The following DLC1 variants were observed in gnomAD, a reference collection of about 807,000 sequenced individuals.
The protein encoded by DLC1 is DLC1 Rho GTPase activating protein, also known as rho GTPase-activating protein 7.
A neutral mutation model predicts 140.3 loss-of-function variants in DLC1; 54 were observed. The observed-to-expected ratio is 0.38, with a 90% CI of 0.31 to 0.48. DLC1 has a LOEUF of 0.48. Among genes scored for constraint, DLC1 ranks in the 20% least tolerant of loss-of-function variants. The probability of loss-of-function intolerance (pLI) is 0.96; values close to 1 mark genes in which losing one functional copy is unlikely to be tolerated. For missense variants in DLC1, 2,536 were observed against 1,907.0 expected (o/e 1.33, Z -6.14); for synonymous variants, 986 against 728.1 (o/e 1.35, Z -5.70).
chr8:13,454,076 A>T (rs1799279023), intron 2 of DLC1, among the ~76,000 whole-genome samples: 1 of 152,176 alleles, frequency 6.6e-6, no homozygotes, highest in Non-Finnish European at 1.5e-5. Flanking sequence ...TGAATATGGC[A>T]TTAAAAAGAA....
chr8:13,316,497 T>G (rs911478671), intron 4 of DLC1, among the ~76,000 whole-genome samples: 23 of 152,264 alleles, frequency 1.5e-4, no homozygotes, highest in African/African-American at 5.1e-4. Flanking sequence ...GGATGATAAT[T>G]TATATGAGAA....
chr8:13,499,336 C>T lies in DLC1; in HGVS notation c.736G>A (p.Glu246Lys), dbSNP rs770997237. 2 of 1,614,020 alleles carry T rather than the reference C, an allele frequency of 1.2e-6. No individual in the cohort carries two copies. The highest frequency in any genetic ancestry group is 1.7e-6 in the Non-Finnish European group (2 of 1,180,002). ...RKPDPPKDEN[E>K]RSTCNVVQNE... ...TGTACTACATTGCAGGTGCTTCTTT[C>T]ATTTTCATCTTTAGGGGGGTCAGGT... is the stretch of plus-strand genomic sequence containing the variant. The change falls in exon 2 of 18, where the codon GAA (glutamate) becomes AAA (lysine). Residue 246 changes from glutamate (E) to lysine (K), a missense_variant. By Grantham distance (56) the Glu-to-Lys change is moderately conservative. Coordinates refer to ENST00000276297, the MANE Select transcript of DLC1 (RefSeq NM_182643.3).
intron 4 of DLC1, among the ~76,000 whole-genome samples, chr8:13,312,812 A>G (rs972786251): frequency 1.3e-5 from 2 of 152,066 alleles, no homozygotes; most frequent in Non-Finnish European, 2.9e-5. Context: ...TATTCATAAC[A>G]GTTTTTGTTT....
At chr8:13,206,363 A>G (rs989703638) in intron 5 of DLC1, among the ~76,000 whole-genome samples, 1 of 152,322 alleles carries the variant, frequency 6.6e-6, no homozygotes, top group Admixed American at 6.5e-5. Flanking sequence ...TATGTCATGT[A>G]AAAGGTTTGG....
At chr8:13,143,824 G>C (rs1823207882) in intron 5 of DLC1, among the ~76,000 whole-genome samples, 1 of 141,558 alleles carries the variant, frequency 7.1e-6, no homozygotes, top group South Asian at 2.6e-4. Flanking sequence ...GAGAGAGAGA[G>C]AGAGAGAGAG....
At chr8:13,113,715 A>G (rs1282955683) in intron 6 of DLC1, among the ~76,000 whole-genome samples, 3 of 152,214 alleles carry the variant, frequency 2.0e-5, no homozygotes, top group African/African-American at 7.2e-5. Context: ...CCTTTCCCCA[A>G]AGCCCTTCTA....
At chr8:13,446,629 G>A (rs1412162382) in intron 2 of DLC1, among the ~76,000 whole-genome samples, 1 of 151,988 alleles carries the variant, frequency 6.6e-6, no homozygotes, top group Non-Finnish European at 1.5e-5. Flanking sequence ...GGAGAGGGAA[G>A]GGAAGGGAAG....
chr8:13,183,727 A>G (rs192737104), intron 5 of DLC1, among the ~76,000 whole-genome samples: 17 of 152,314 alleles, frequency 1.1e-4, no homozygotes, highest in Admixed American at 8.5e-4. Context: ...CCAGTATTTT[A>G]CTGAGGATTT....
At chr8:13,120,508 T>C (rs1414491172) in intron 5 of DLC1, among the ~76,000 whole-genome samples, 1 of 151,686 alleles carries the variant, frequency 6.6e-6, no homozygotes, top group Non-Finnish European at 1.5e-5. Flanking sequence ...GGGGGGCCTC[T>C]AACACAGCTC....
chr8:13,393,156 C>T (rs971572087), intron 4 of DLC1, among the ~76,000 whole-genome samples: 4 of 152,050 alleles, frequency 2.6e-5, no homozygotes, highest in Non-Finnish European at 5.9e-5. Flanking sequence ...ATCCATCCAT[C>T]CATCCATCAT....
intron 5 of DLC1, among the ~76,000 whole-genome samples, chr8:13,241,033 A>G (rs1385354331): frequency 6.6e-6 from 1 of 152,180 alleles, no homozygotes; most frequent in African/African-American, 2.4e-5. Context: ...AGAAAGGGAG[A>G]CAGCCAGGGA....
intron 1 of DLC1, among the ~76,000 whole-genome samples, chr8:13,563,641 A>C (rs967262242): frequency 6.6e-6 from 1 of 152,100 alleles, no homozygotes; most frequent in African/African-American, 2.4e-5. Flanking sequence ...AATTTAATCT[A>C]TAGAGGAGAA....
At chr8:13,144,980 A>C (rs1482853065) in intron 5 of DLC1, among the ~76,000 whole-genome samples, 1 of 152,220 alleles carries the variant, frequency 6.6e-6, no homozygotes, top group Non-Finnish European at 1.5e-5. Flanking sequence ...GCAACAGATA[A>C]TTAGAACGGC....
chr8:13,597,832 T>C (rs1805733734), intron 1 of DLC1, among the ~76,000 whole-genome samples: 1 of 152,088 alleles, frequency 6.6e-6, no homozygotes, highest in Non-Finnish European at 1.5e-5. Context: ...TATAGAAACA[T>C]GCTGATCTAT....
intron 2 of DLC1, among the ~76,000 whole-genome samples, chr8:13,446,046 G>A (rs1798760122): frequency 6.6e-6 from 1 of 152,020 alleles, no homozygotes; most frequent in South Asian, 2.1e-4. Flanking sequence ...TTCTATACAC[G>A]GTTGCTACCT....
chr8:13,103,032 C>T (rs111815859), intron 7 of DLC1, among the ~76,000 whole-genome samples, 179 bp from the exon 8 acceptor site: 3,124 of 152,248 alleles, frequency 0.021, 91 homozygotes, highest in African/African-American at 0.066. Context: ...ATACCTTGGC[C>T]GGGCGTGGTG....
chr8:13,395,285 C>A (rs934268823), intron 3 of DLC1, among the ~76,000 whole-genome samples: 1 of 152,032 alleles, frequency 6.6e-6, no homozygotes, highest in African/African-American at 2.4e-5. Context: ...CCACACCCAG[C>A]TAATTTTTTG....
chr8:13,474,455 A>G (rs1800351481), intron 2 of DLC1, among the ~76,000 whole-genome samples: 2 of 152,152 alleles, frequency 1.3e-5, no homozygotes, highest in African/African-American at 2.4e-5. Flanking sequence ...AGAACCCCCA[A>G]GTAGAGTCCC....
intron 5 of DLC1, among the ~76,000 whole-genome samples, chr8:13,265,128 G>A (rs1257587955): frequency 6.6e-6 from 1 of 152,198 alleles, no homozygotes; most frequent in Non-Finnish European, 1.5e-5. Flanking sequence ...TTTAAACACA[G>A]AGACATTACT....
Sources: gnomAD v4.1 joint callset for allele counts (sites outside exome capture counted in the v4.1 genomes callset) on GRCh38, gnomAD v4.1.1 for gene constraint, MANE v1.5 for transcripts, NCBI Gene and HGNC (gene_info 2026-07-23, HGNC 2026-07-21) for gene names.